Variants in SHISA6 observed in about 807,000 individuals in gnomAD.
The protein encoded by SHISA6 is shisa family member 6.
In SHISA6, 22 loss-of-function variants were observed where a neutral mutation model predicts 47.9. The ratio of observed to expected loss-of-function variants is 0.46; its 90% CI spans 0.33 to 0.66. The LOEUF (loss-of-function observed/expected upper bound fraction) is 0.66. Among genes scored for constraint, SHISA6 ranks in the 30% least tolerant of loss-of-function variants. The probability of loss-of-function intolerance (pLI) is 0.02; values close to 1 mark genes in which losing one functional copy is unlikely to be tolerated. For missense variants in SHISA6, 680 were observed against 764.6 expected (o/e 0.89, Z 1.30); for synonymous variants, 388 against 337.8 (o/e 1.15, Z -1.63).
chr17:11,408,919 A>G (rs917716894), intron 3 of SHISA6, among the ~76,000 whole-genome samples: 2 of 152,232 alleles, frequency 1.3e-5, no homozygotes, highest in Admixed American at 6.5e-5. Context: ...AAGACACTAT[A>G]AAGACTGGAG....
In SHISA6 at chr17:11,480,394, TGAATGAGTG is replaced by T. The variant is rs1567616835; in HGVS notation, c.896-71501_896-71493del. Reference sequence around the variant, plus strand: ...AGTGAATCAATAAATACTCATTGAGTGAATGAGTGAATGAATGAATAAAATGGAAATCTG... The same window carrying T: ...AGTGAATCAATAAATACTCATTGAGTAATGAATGAATAAAATGGAAATCTG... On this transcript the variant is annotated intron_variant, in intron 3 of 5. Transcript: ENST00000441885. 7.5e-5 allele frequency among the ~76,000 whole-genome samples: 6 copies of T among 80,052 alleles called. 1 individual carries two copies. In the South Asian group the frequency reaches 2.0e-3, roughly 27 times the overall value. 52.5% of individuals were successfully genotyped at this position (80,052 alleles called of 152,430 possible). A position where few individuals can be genotyped will look rare whatever the true frequency, so the allele number is the denominator to read the frequency against.
At chr17:11,534,080 G>A (rs768414862) in intron 3 of SHISA6, among the ~76,000 whole-genome samples, 6 of 149,272 alleles carry the variant, frequency 4.0e-5, no homozygotes, top group African/African-American at 7.4e-5. Context: ...GGGTTCAAGC[G>A]ATTCTCCTCC....
chr17:11,439,812 C>G (rs1002752744), intron 3 of SHISA6, among the ~76,000 whole-genome samples: 1 of 152,198 alleles, frequency 6.6e-6, no homozygotes, highest in Admixed American at 6.5e-5. Flanking sequence ...CTCTTTTGGT[C>G]TAGTGCTTTT....
intron 3 of SHISA6, among the ~76,000 whole-genome samples, chr17:11,434,464 C>G (rs960671967): frequency 6.6e-6 from 1 of 152,204 alleles, no homozygotes; most frequent in Non-Finnish European, 1.5e-5. Context: ...AATACCAGTG[C>G]ACGCTGTCCT....
chr17:11,533,350 A>T (rs2071753768), intron 3 of SHISA6, among the ~76,000 whole-genome samples: 1 of 152,068 alleles, frequency 6.6e-6, no homozygotes. Flanking sequence ...GCCTTTCAGG[A>T]TAAAGTCAAA....
intron 3 of SHISA6, among the ~76,000 whole-genome samples, chr17:11,388,823 T>C (rs1235680104): frequency 9.7e-6 from 1 of 103,034 alleles, no homozygotes; most frequent in Non-Finnish European, 1.9e-5. Flanking sequence ...TATATATATA[T>C]ATATATATAT....
intron 1 of SHISA6, 29 bp downstream of exon 1, chr17:11,242,089 G>A (rs1488032059): frequency 1.3e-6 from 2 of 1,547,840 alleles, no homozygotes; most frequent in Admixed American, 2.0e-5. Context: ...GCGCGCCCCG[G>A]TCTCCCCGCG....
chr17:11,437,309 G>T (rs1334862655), intron 3 of SHISA6, among the ~76,000 whole-genome samples: 1 of 152,066 alleles, frequency 6.6e-6, no homozygotes, highest in Non-Finnish European at 1.5e-5. Context: ...AGGACTGAGA[G>T]GACTCCCAGG....
chr17:11,380,338 C>G (rs1912968471), intron 3 of SHISA6: 1 of 152,148 alleles, frequency 6.6e-6, no homozygotes, highest in African/African-American at 2.4e-5. Context: ...TCTTACATTC[C>G]ATGCACCTAC....
rs138116079 is a variant in SHISA6 at position 11,356,989 on chromosome 17, C to A, written c.800-22425C>A. ...AGTTTGAGACCAGCCTGGCCAACAT[C>A]GTGAAATCCTGTCTGTACTTAAAAT... On this transcript the variant is annotated intron_variant, in intron 2 of 5. Coordinates refer to ENST00000441885, the MANE Select transcript of SHISA6 (RefSeq NM_207386.4). 4.9e-3 allele frequency among the ~76,000 whole-genome samples: 749 copies of A among 151,848 alleles called. 1 individual carries two copies. The highest frequency in any genetic ancestry group is 8.9e-3 in the Admixed American group (135 of 15,218).
intron 1 of SHISA6, among the ~76,000 whole-genome samples, chr17:11,248,874 T>C (rs1039078496): frequency 6.6e-6 from 1 of 152,164 alleles, no homozygotes; most frequent in African/African-American, 2.4e-5. Flanking sequence ...GCACAGTGGC[T>C]CACGCCTGTA....
chr17:11,528,571 G>C (rs1377013314), intron 3 of SHISA6, among the ~76,000 whole-genome samples: 1 of 152,290 alleles, frequency 6.6e-6, no homozygotes, highest in East Asian at 1.9e-4. Context: ...GCATGGAATT[G>C]TATGTGTAAT....
At chr17:11,252,142 CT>C (rs1340771557) in intron 1 of SHISA6, among the ~76,000 whole-genome samples, 1 of 152,192 alleles carries the variant, frequency 6.6e-6, no homozygotes, top group Non-Finnish European at 1.5e-5. Flanking sequence ...CCGAAAGCCC[CT>C]GTCCCTCTCT....
At chr17:11,434,204 C>G (rs1177135873) in intron 3 of SHISA6, among the ~76,000 whole-genome samples, 1 of 151,904 alleles carries the variant, frequency 6.6e-6, no homozygotes, top group Admixed American at 6.6e-5. Flanking sequence ...GCTGGGATTA[C>G]AGATGCGTGC....
intron 3 of SHISA6, among the ~76,000 whole-genome samples, chr17:11,504,773 G>A (rs2071484691): frequency 1.3e-5 from 2 of 152,194 alleles, no homozygotes; most frequent in African/African-American, 4.8e-5. Context: ...CTCATGGGAA[G>A]GGGACTTATT....
chr17:11,300,407 C>T (rs1340294783), intron 2 of SHISA6, among the ~76,000 whole-genome samples: 1 of 152,168 alleles, frequency 6.6e-6, no homozygotes, highest in Non-Finnish European at 1.5e-5. Flanking sequence ...TGACTGCAGC[C>T]CTCTTTCCTT....
At chr17:11,434,014 G>A (rs1018269443) in intron 3 of SHISA6, among the ~76,000 whole-genome samples, 8 of 151,798 alleles carry the variant, frequency 5.3e-5, no homozygotes, top group Non-Finnish European at 8.8e-5. Context: ...AACCACATGC[G>A]GTATATCCCA....
intron 3 of SHISA6, among the ~76,000 whole-genome samples, chr17:11,425,610 T>C (rs140298964): frequency 8.3e-4 from 127 of 152,290 alleles, no homozygotes; most frequent in African/African-American, 2.9e-3. Context: ...AAGTGAAAAA[T>C]TATTGGTTTA....
At chr17:11,285,583 T>C (rs995452176) in intron 2 of SHISA6, among the ~76,000 whole-genome samples, 3 of 152,208 alleles carry the variant, frequency 2.0e-5, no homozygotes, top group Non-Finnish European at 4.4e-5. Flanking sequence ...AATATGCATT[T>C]AATGAGAGCT....
Sources: allele counts gnomAD v4.1 joint callset (sites outside exome capture counted in the v4.1 genomes callset), GRCh38; gene constraint gnomAD v4.1.1; transcripts MANE v1.5; gene names NCBI Gene and HGNC (gene_info 2026-07-23, HGNC 2026-07-21).